NLGN4X: variants seen among roughly 807,000 people sequenced by gnomAD.
NLGN4X encodes neuroligin 4 X-linked.
In NLGN4X, 3 loss-of-function variants were observed where a neutral mutation model predicts 40.3. That is an observed-to-expected ratio of 0.07 (90% CI 0.03 to 0.19). The LOEUF is 0.19. Among genes scored for constraint, NLGN4X ranks in the 10% least tolerant of loss-of-function variants. The probability of loss-of-function intolerance (pLI) is 1.00; values close to 1 mark genes in which losing one functional copy is unlikely to be tolerated. For missense variants in NLGN4X, 382 were observed against 708.3 expected, an observed-to-expected ratio of 0.54 and a Z score of 5.23; for synonymous variants, 270 against 306.8, an observed-to-expected ratio of 0.88 and a Z score of 1.25.
chrX:6,127,524 G>A (rs566366201), intron 2 of NLGN4X, among the ~76,000 whole-genome samples: 5 of 112,169 alleles, frequency 4.5e-5, no homozygotes, highest in Admixed American at 3.8e-4. Flanking sequence ...GAGGAGAATC[G>A]CTTGAACCTG....
intron 3 of NLGN4X, among the ~76,000 whole-genome samples, chrX:5,955,815 T>TAAA (rs10672564): frequency 6.8e-4 from 61 of 90,212 alleles, no homozygotes; most frequent in African/African-American, 2.2e-3. Context: ...ACAACCACAC[T>TAAA]AAAAAAAAAA....
At chrX:6,127,928 GGGA>G (rs2039596054) in intron 2 of NLGN4X, among the ~76,000 whole-genome samples, 1 of 111,163 alleles carries the variant, frequency 9.0e-6, no homozygotes, top group African/African-American at 3.3e-5. Flanking sequence ...GGGTGCCAGT[GGGA>G]GAAGATATTT....
chrX:5,900,080 C>T (rs1417662984), intron 5 of NLGN4X, among the ~76,000 whole-genome samples: 1 of 112,445 alleles, frequency 8.9e-6, no homozygotes, highest in Non-Finnish European at 1.9e-5. Flanking sequence ...CACCGCCTAT[C>T]TCAGTGCTGT....
chrX:5,996,973 T>C (rs1243071911), intron 3 of NLGN4X, among the ~76,000 whole-genome samples: 1 of 111,326 alleles, frequency 9.0e-6, no homozygotes, highest in Non-Finnish European at 1.9e-5. Context: ...TAATCAATAA[T>C]ACCCTCTTAA....
At chrX:6,135,404 T>C (rs771805209) in intron 2 of NLGN4X, among the ~76,000 whole-genome samples, 77 of 111,885 alleles carry the variant, frequency 6.9e-4, no homozygotes, top group Middle Eastern at 9.2e-3. Flanking sequence ...CTAGGTAAGG[T>C]TTTGCCCCAA....
chrX:5,966,971 C>A (rs2034852767), intron 3 of NLGN4X, among the ~76,000 whole-genome samples: 1 of 111,979 alleles, frequency 8.9e-6, no homozygotes, highest in South Asian at 3.7e-4. Context: ...TCTACTATTT[C>A]TATAAAATTC....
At chrX:6,165,989 G>C (rs902445248) in intron 1 of NLGN4X, among the ~76,000 whole-genome samples, 5 of 111,766 alleles carry the variant, frequency 4.5e-5, no homozygotes, top group Admixed American at 3.8e-4. Flanking sequence ...TCTTTAGATA[G>C]ATTCCATGGG....
chrX:5,967,050 A>G lies in NLGN4X; in HGVS notation c.626-57811T>C, dbSNP rs765295950. Among the ~76,000 whole-genome samples the G allele has an allele frequency of 9.8e-5, 11 of 111,802 alleles. 1 individual carries two copies. In the East Asian group the frequency reaches 3.1e-3, roughly 32 times the overall value. On this transcript the variant is annotated intron_variant, in intron 3 of 5. Transcript: ENST00000381095. ...TGGGGTGGGAGCAAATGCAATAAAG[A>G]TCCTTATCAGGCTGGGGATAAATTT...
intron 1 of NLGN4X, among the ~76,000 whole-genome samples, chrX:6,186,506 TC>T (rs1922026586): frequency 8.9e-6 from 1 of 111,917 alleles, no homozygotes; most frequent in African/African-American, 3.3e-5. Context: ...TGCCCTTTTT[TC>T]CCATTCTGAA....
In NLGN4X at chrX:5,903,743, G is replaced by A. The variant is rs770937015; in HGVS notation, c.935C>T (p.Thr312Met). The A allele has an allele frequency of 5.8e-6, 7 of 1,210,012 alleles. No individual in the cohort carries two copies. In the African/African-American group the frequency reaches 7.0e-5, roughly 12 times the overall value. Reference protein sequence around the residue: ...DKVGCNMLDTTDMVECLRNKN... With the variant: ...DKVGCNMLDTMDMVECLRNKN... ...GTTCCGCAGGCATTCTACCATGTCC[G>A]TGGTGTCCAGCATGTTGCAGCCGAC... The change falls in exon 5 of 6, where the codon ACG becomes ATG. Residue 312 changes from threonine to methionine, a missense_variant. Thr to Met is a moderately conservative substitution (Grantham distance 81). This residue lies in a region of NLGN4X where 29 missense variants were observed against 32.1 expected (regional missense o/e 0.90). Transcript: ENST00000381095.
At chrX:6,076,319 T>C (rs1430348240) in intron 2 of NLGN4X, among the ~76,000 whole-genome samples, 1 of 111,857 alleles carries the variant, frequency 8.9e-6, no homozygotes, top group African/African-American at 3.3e-5. Flanking sequence ...AGCATCTTAA[T>C]AAACAGCTCC....
In NLGN4X at chrX:5,903,088, G is replaced by A. The variant is rs778867539; in HGVS notation, c.1590C>T (p.Phe530=). 7.4e-6 allele frequency: 9 copies of A among 1,210,550 alleles called. No homozygotes were observed. In the African/African-American group the frequency reaches 8.7e-5, roughly 12 times the overall value. The change falls in exon 5 of 6, where the codon TTC becomes TTT. Residue 530 remains phenylalanine, a synonymous_variant. Coordinates refer to ENST00000381095, the MANE Select transcript of NLGN4X (RefSeq NM_181332.3). ...SAVVMTYWTN[F]AKTGDPNQPV... is the part of the protein sequence containing the mutation. ...GAAGATGAACGTACCCAGTTTTGGC[G>A]AAGTTCGTCCAGTAGGTCATGACCA...
At chrX:6,073,438 T>C (rs1387882609) in intron 2 of NLGN4X, among the ~76,000 whole-genome samples, 1 of 112,499 alleles carries the variant, frequency 8.9e-6, no homozygotes, top group Non-Finnish European at 1.9e-5. Flanking sequence ...GACTTTAGCA[T>C]TGTTCCCATT....
rs761794639 is a variant in NLGN4X, at chrX:5,925,919, T to C, written c.626-16680A>G. Among the ~76,000 whole-genome samples the C allele has an allele frequency of 2.0e-4, 10 of 49,863 alleles. No individual in the cohort carries two copies. The South Asian group carries it at 3.6e-3, about 18-fold the overall frequency. The allele number at this position is 49,863 out of a possible 115,157, so 43.3% of individuals were successfully genotyped here. ...ATATATATATATATATATATATATATATATATATATATAAACCTGCGAAGC... is the reference window on the plus strand; with the variant it reads ...ATATATATATATATATATATATATACATATATATATATAAACCTGCGAAGC... On this transcript the variant is annotated intron_variant, in intron 3 of 5. Transcript: ENST00000381095.
intron 3 of NLGN4X, among the ~76,000 whole-genome samples, chrX:6,007,529 T>C (rs1170294400): frequency 8.9e-6 from 1 of 112,483 alleles, no homozygotes; most frequent in Non-Finnish European, 1.9e-5. Flanking sequence ...TCTTAAAACA[T>C]TGTATTATTT....
chrX:5,927,671 G>A (rs1172904587), intron 3 of NLGN4X, among the ~76,000 whole-genome samples: 2 of 111,944 alleles, frequency 1.8e-5, no homozygotes, highest in Admixed American at 9.5e-5. Context: ...CACATCCCCC[G>A]TGTGACTCCA....
chrX:6,154,989 T>G (rs1330864743), intron 1 of NLGN4X, among the ~76,000 whole-genome samples: 2 of 111,899 alleles, frequency 1.8e-5, no homozygotes, highest in Non-Finnish European at 3.8e-5. Context: ...GGTTTAATTT[T>G]AAGATACGTA....
chrX:5,908,423 G>A (rs756940577), intron 4 of NLGN4X, among the ~76,000 whole-genome samples: 2 of 111,222 alleles, frequency 1.8e-5, no homozygotes, highest in African/African-American at 3.3e-5. Context: ...CTATACACCC[G>A]CATCCCTTAT....
chrX:5,955,036 T>C (rs1486166397), intron 3 of NLGN4X, among the ~76,000 whole-genome samples: 2 of 112,161 alleles, frequency 1.8e-5, no homozygotes, highest in East Asian at 5.6e-4. Context: ...GTAAATCAGA[T>C]ACTTAAAAAT....
Sources: allele counts gnomAD v4.1 joint callset (sites outside exome capture counted in the v4.1 genomes callset), GRCh38; gene constraint gnomAD v4.1.1; regional missense constraint gnomAD v4.1.1; transcripts MANE v1.5; gene names NCBI Gene and HGNC (gene_info 2026-07-23, HGNC 2026-07-21).